The following MEI4 variants were observed in gnomAD, a reference collection of about 807,000 sequenced individuals.
The protein encoded by MEI4 is meiosis-specific protein MEI4.
A neutral mutation model predicts 31.4 loss-of-function variants in MEI4; 27 were observed. The ratio of observed to expected loss-of-function variants is 0.86; its 90% confidence interval spans 0.63 to 1.19. The LOEUF (loss-of-function observed/expected upper bound fraction) is 1.19, where lower values mean the gene tolerates loss of function less well. Among genes scored for constraint, MEI4 ranks in the 50% most tolerant of loss-of-function variants. The pLI, the probability that MEI4 is intolerant of heterozygous loss-of-function variation, is 0.00. For synonymous variants in MEI4, 122 were observed against 145.4 expected (o/e 0.84, Z 1.16); for missense variants, 329 against 398.9 (o/e 0.82, Z 1.49).
intron 2 of MEI4, among the ~76,000 whole-genome samples, chr6:77,760,795 A>G (rs562221431): frequency 1.2e-4 from 19 of 152,126 alleles, no homozygotes; most frequent in African/African-American, 4.6e-4. Flanking sequence ...GTAGTTACCT[A>G]TTGGATTCAC....
chr6:77,781,907 A>G (rs773878097), intron 3 of MEI4, among the ~76,000 whole-genome samples: 1 of 152,126 alleles, frequency 6.6e-6, no homozygotes, highest in Non-Finnish European at 1.5e-5. Flanking sequence ...CTTTTAGTCT[A>G]TAAATAAATC....
chr6:77,925,790 G>A lies in MEI4; in HGVS notation c.*2444G>A, dbSNP rs1159615842. 1 of 147,536 alleles carries A rather than the reference G, an allele frequency of 6.8e-6. No individual in the cohort carries two copies. Among genetic ancestry groups the A allele is most frequent in the Non-Finnish European group, 1.5e-5 (1 of 67,072 alleles). 9.1% of individuals were successfully genotyped at this position (147,536 alleles called of 1,614,324 possible). A position where few individuals can be genotyped will look rare whatever the true frequency, so the allele number is the denominator to read the frequency against. ...ATATGATAATATATTTTATATGAGA[G>A]TAAATATATATTAAATATTTTATAT... On this transcript the variant is annotated 3_prime_UTR_variant, in exon 5 of 5. Coordinates refer to ENST00000684080, the MANE Select transcript of MEI4 (RefSeq NM_001322247.2).
At chr6:77,843,506 A>G (rs1770411960) in intron 4 of MEI4, among the ~76,000 whole-genome samples, 1 of 151,198 alleles carries the variant, frequency 6.6e-6, no homozygotes, top group African/African-American at 2.4e-5. Context: ...AACCAAGGGG[A>G]AAGATGTCAA....
chr6:77,740,471 G>C (rs144224694), intron 2 of MEI4, among the ~76,000 whole-genome samples: 1 of 152,132 alleles, frequency 6.6e-6, no homozygotes, highest in African/African-American at 2.4e-5. Context: ...TCTCAAAAAT[G>C]CTTTGCAATG....
At chr6:77,815,187 A>G (rs1285375942) in intron 3 of MEI4, among the ~76,000 whole-genome samples, 1 of 152,104 alleles carries the variant, frequency 6.6e-6, no homozygotes, top group Non-Finnish European at 1.5e-5. Flanking sequence ...TCCAGCAACC[A>G]AGGCAATCAG....
chr6:77,839,526 G>A (rs1312167441), intron 4 of MEI4, among the ~76,000 whole-genome samples: 1 of 152,082 alleles, frequency 6.6e-6, no homozygotes, highest in African/African-American at 2.4e-5. Flanking sequence ...AAACAACATA[G>A]CAGAGGCTTT....
chr6:77,808,033 C>T (rs989169316), intron 3 of MEI4, among the ~76,000 whole-genome samples: 9 of 152,252 alleles, frequency 5.9e-5, no homozygotes, highest in African/African-American at 7.2e-5. Context: ...AGCAGTGCAG[C>T]GGACACCTTA....
At chr6:77,921,559 G>A (rs1362550827) in intron 4 of MEI4, among the ~76,000 whole-genome samples, 3 of 151,730 alleles carry the variant, frequency 2.0e-5, no homozygotes, top group African/African-American at 4.8e-5. Flanking sequence ...TTACAACTTG[G>A]TTAACTTTGG....
intron 3 of MEI4, among the ~76,000 whole-genome samples, chr6:77,775,339 C>T (rs1768412468): frequency 6.6e-6 from 1 of 152,122 alleles, no homozygotes; most frequent in Non-Finnish European, 1.5e-5. Context: ...ATTCCCCTCC[C>T]ACCCTTTCCC....
At chr6:77,903,182 G>C (rs1766221572) in intron 4 of MEI4, among the ~76,000 whole-genome samples, 1 of 151,452 alleles carries the variant, frequency 6.6e-6, no homozygotes, top group South Asian at 2.1e-4. Context: ...AACTGCTCTG[G>C]CAAGGGCTTT....
chr6:77,736,471 C>G lies in MEI4; in HGVS notation c.233-24659C>G, dbSNP rs1032681738. On this transcript the variant is annotated intron_variant, in intron 2 of 4. Transcript: ENST00000684080. ...GACCCCTTGTGCTTCTGGAGTGAGG[C>G]AATGCCTCGCCCTGCTTCGGCTTGC... is the stretch of plus-strand genomic sequence containing the variant. Among the ~76,000 whole-genome samples the G allele has an allele frequency of 3.3e-5, 5 of 152,086 alleles. 1 individual carries two copies. Among genetic ancestry groups the G allele is most frequent in the Admixed American group, 1.3e-4 (2 of 15,276 alleles).
At chr6:77,794,175 C>T (rs1000380258) in intron 3 of MEI4, among the ~76,000 whole-genome samples, 2 of 152,100 alleles carry the variant, frequency 1.3e-5, no homozygotes, top group Non-Finnish European at 2.9e-5. Flanking sequence ...ACAAAAGAAT[C>T]TTTTATTCTA....
At chr6:77,863,944 G>C (rs576681977) in intron 4 of MEI4, among the ~76,000 whole-genome samples, 1 of 152,134 alleles carries the variant, frequency 6.6e-6, no homozygotes. Context: ...TTAAAGAAAA[G>C]AATTTTGAAC....
At chr6:77,654,873 CTCTTTT>C (rs1450515038) in intron 1 of MEI4, among the ~76,000 whole-genome samples, 3 of 151,856 alleles carry the variant, frequency 2.0e-5, no homozygotes, top group African/African-American at 7.3e-5. Flanking sequence ...AGAAAAGAAG[CTCTTTT>C]TCTTTTTATT....
intron 3 of MEI4, among the ~76,000 whole-genome samples, chr6:77,811,361 T>C (rs1450722852): frequency 6.6e-6 from 1 of 152,194 alleles, no homozygotes; most frequent in African/African-American, 2.4e-5. Context: ...TAAAATACTA[T>C]CTAGCATAAT....
At chr6:77,883,764 A>G (rs1464105860) in intron 4 of MEI4, among the ~76,000 whole-genome samples, 1 of 104,034 alleles carries the variant, frequency 9.6e-6, no homozygotes, top group South Asian at 2.8e-4. Flanking sequence ...TTGTCTATTC[A>G]TTTATTGGTG....
intron 3 of MEI4, among the ~76,000 whole-genome samples, chr6:77,789,225 C>A (rs946334143): frequency 1.3e-5 from 2 of 152,124 alleles, no homozygotes; most frequent in African/African-American, 4.8e-5. Flanking sequence ...AAACTGGATC[C>A]CTTCCTTACA....
chr6:77,715,839 A>G (rs1337109634), intron 2 of MEI4, among the ~76,000 whole-genome samples: 2 of 152,106 alleles, frequency 1.3e-5, no homozygotes, highest in East Asian at 3.9e-4. Context: ...ATTTTATTCA[A>G]TGGCGAAATG....
intron 4 of MEI4, among the ~76,000 whole-genome samples, chr6:77,918,564 CTGTT>C (rs1278924832): frequency 6.0e-5 from 9 of 149,164 alleles, no homozygotes; most frequent in Admixed American, 2.7e-4. Flanking sequence ...ATTTGGCTCT[CTGTT>C]TGTCTGTTGT....
Sources: gnomAD v4.1 joint callset for allele counts (sites outside exome capture counted in the v4.1 genomes callset) on GRCh38, gnomAD v4.1.1 for gene constraint, MANE v1.5 for transcripts, NCBI Gene and HGNC (gene_info 2026-07-23, HGNC 2026-07-21) for gene names.